The following CADM2 variants were observed in gnomAD, a reference collection of about 807,000 sequenced individuals.
The protein encoded by CADM2 is immunoglobulin superfamily member 4D.
Under a neutral mutation model 49.8 loss-of-function variants are expected in CADM2, and 12 were observed. The ratio of observed to expected loss-of-function variants is 0.24; its 90% CI spans 0.15 to 0.39. CADM2 has a LOEUF of 0.39. Ranked by LOEUF, CADM2 falls within the 10% of genes least tolerant of loss-of-function variation. The probability of loss-of-function intolerance (pLI) is 1.00; values close to 1 mark genes in which losing one functional copy is unlikely to be tolerated. For synonymous variants in CADM2, 214 were observed against 175.4 expected (o/e 1.22, Z -1.74); for missense variants, 378 against 492.3 (o/e 0.77, Z 2.20).
chr3:85,725,937 A>G (rs2067680925), intron 1 of CADM2, among the ~76,000 whole-genome samples: 1 of 152,046 alleles, frequency 6.6e-6, no homozygotes, highest in African/African-American at 2.4e-5. Flanking sequence ...CCTAGAATCA[A>G]ATCCCAAATC....
At chr3:85,090,884 G>A (rs919824664) in intron 1 of CADM2, among the ~76,000 whole-genome samples, 4 of 152,110 alleles carry the variant, frequency 2.6e-5, no homozygotes, top group African/African-American at 9.7e-5. Flanking sequence ...TCCTCACCCA[G>A]CCCCTTTCCA....
chr3:85,475,445 A>C (rs1406609588), intron 1 of CADM2, among the ~76,000 whole-genome samples: 1 of 151,996 alleles, frequency 6.6e-6, no homozygotes, highest in Non-Finnish European at 1.5e-5. Flanking sequence ...CATTGTCTAA[A>C]TATAATTTAT....
At chr3:85,882,442 C>T (rs1456751525) in intron 3 of CADM2, among the ~76,000 whole-genome samples, 1 of 152,020 alleles carries the variant, frequency 6.6e-6, no homozygotes, top group African/African-American at 2.4e-5. Flanking sequence ...GGGTCTGGAT[C>T]GTCTTTTACT....
chr3:85,039,980 C>A (rs2035373422), intron 1 of CADM2, among the ~76,000 whole-genome samples: 1 of 152,168 alleles, frequency 6.6e-6, no homozygotes, highest in Non-Finnish European at 1.5e-5. Context: ...AAGACCAAAC[C>A]TTCAGGCAGT....
chr3:85,122,378 A>G (rs893455400), intron 1 of CADM2, among the ~76,000 whole-genome samples: 21 of 152,162 alleles, frequency 1.4e-4, no homozygotes, highest in Non-Finnish European at 2.9e-5. Context: ...ACTGTATACT[A>G]TACACCAGGC....
At chr3:85,134,831 A>G (rs934725557) in intron 1 of CADM2, among the ~76,000 whole-genome samples, 3 of 152,120 alleles carry the variant, frequency 2.0e-5, no homozygotes, top group Non-Finnish European at 4.4e-5. Context: ...ATTTAATTTT[A>G]ATGAAACTAA....
At chr3:85,026,263 T>A (rs936884138) in intron 1 of CADM2, among the ~76,000 whole-genome samples, 5 of 152,298 alleles carry the variant, frequency 3.3e-5, no homozygotes, top group Admixed American at 1.3e-4. Context: ...GGAGTGAAGA[T>A]CACAGGTTGA....
At chr3:85,193,352 T>A (rs1055178628) in intron 1 of CADM2, among the ~76,000 whole-genome samples, 8 of 110,712 alleles carry the variant, frequency 7.2e-5, no homozygotes, top group Non-Finnish European at 1.1e-4. Context: ...TATCTAAAAA[T>A]CTATCTAAAA....
intron 5 of CADM2, among the ~76,000 whole-genome samples, chr3:85,909,133 T>C (rs1717216744): frequency 6.6e-6 from 1 of 152,140 alleles, no homozygotes; most frequent in Admixed American, 6.6e-5. Flanking sequence ...GCTTTTGATG[T>C]AGAGCATTTC....
chr3:85,803,722 A>C (rs2108084699), intron 3 of CADM2, among the ~76,000 whole-genome samples: 1 of 152,092 alleles, frequency 6.6e-6, no homozygotes, highest in Middle Eastern at 3.4e-3. Flanking sequence ...CTTTCTCATA[A>C]GGCCTTCCAC....
intron 1 of CADM2, among the ~76,000 whole-genome samples, chr3:85,277,984 C>T (rs2043400674): frequency 1.3e-5 from 2 of 151,032 alleles, no homozygotes; most frequent in African/African-American, 4.8e-5. Flanking sequence ...GGCAGTCTTG[C>T]TAATTTTTCT....
chr3:85,126,757 C>A (rs892239625), intron 1 of CADM2, among the ~76,000 whole-genome samples: 2 of 151,958 alleles, frequency 1.3e-5, no homozygotes, highest in African/African-American at 4.8e-5. Flanking sequence ...AGTCAATGAA[C>A]ACAAAAATGA....
chr3:85,924,589 C>G (rs1273230682), intron 6 of CADM2, among the ~76,000 whole-genome samples: 1 of 86,034 alleles, frequency 1.2e-5, no homozygotes, highest in Non-Finnish European at 2.3e-5. Context: ...GAAACAACAT[C>G]TAAAAATAAA....
intron 1 of CADM2, among the ~76,000 whole-genome samples, chr3:85,701,428 C>T (rs1027138236): frequency 1.9e-4 from 29 of 152,232 alleles, no homozygotes; most frequent in South Asian, 6.2e-4. Context: ...CATACTTGTC[C>T]AGATTTAAAG....
intron 1 of CADM2, among the ~76,000 whole-genome samples, chr3:85,308,056 A>G (rs1052914955): frequency 6.6e-6 from 1 of 151,770 alleles, no homozygotes; most frequent in Non-Finnish European, 1.5e-5. Flanking sequence ...ATATATCTTA[A>G]AGCCATCAGA....
chr3:85,682,654 A>G (rs2066072194), intron 1 of CADM2, among the ~76,000 whole-genome samples: 1 of 152,078 alleles, frequency 6.6e-6, no homozygotes, highest in South Asian at 2.1e-4. Flanking sequence ...TGGCAAGAAC[A>G]CTAAATTTTT....
chr3:85,096,349 G>T (rs1206200563), intron 1 of CADM2, among the ~76,000 whole-genome samples: 4 of 151,848 alleles, frequency 2.6e-5, no homozygotes, highest in Non-Finnish European at 5.9e-5. Flanking sequence ...TAAATGGGTT[G>T]ATATAGATCA....
intron 1 of CADM2, among the ~76,000 whole-genome samples, chr3:85,334,270 T>C (rs552891651): frequency 2.8e-4 from 43 of 151,658 alleles, no homozygotes; most frequent in South Asian, 2.5e-3. Flanking sequence ...GGTCATTAAA[T>C]AGCAATAGGT....
chr3:84,995,465 C>A (rs909739841), intron 1 of CADM2, among the ~76,000 whole-genome samples: 5 of 152,124 alleles, frequency 3.3e-5, no homozygotes, highest in Admixed American at 3.3e-4. Context: ...ATTTCGCAAC[C>A]ACACTATAAC....
Sources: allele counts gnomAD v4.1 joint callset (sites outside exome capture counted in the v4.1 genomes callset), GRCh38; gene constraint gnomAD v4.1.1; transcripts MANE v1.5; gene names NCBI Gene and HGNC (gene_info 2026-07-23, HGNC 2026-07-21).